Variants in GRIK1 observed in about 807,000 individuals in gnomAD.
GRIK1 encodes glutamate receptor ionotropic, kainate 1.
GRIK1 carries 69 observed loss-of-function variants against 105.7 expected under a neutral mutation model. The ratio of observed to expected loss-of-function variants is 0.65; its 90% CI spans 0.54 to 0.80. GRIK1 has a LOEUF of 0.80. Ranked by LOEUF, GRIK1 falls within the 30% of genes least tolerant of loss-of-function variation. The pLI is 0.00. For synonymous variants in GRIK1, 438 were observed against 431.3 expected (o/e 1.02, Z -0.19); for missense variants, 1,109 against 1,167.3 (o/e 0.95, Z 0.73).
At chr21:29,827,765 C>A (rs1004294043) in intron 1 of GRIK1, among the ~76,000 whole-genome samples, 4 of 152,044 alleles carry the variant, frequency 2.6e-5, no homozygotes, top group African/African-American at 9.7e-5. Flanking sequence ...AGTAAACACC[C>A]CAAAACTTAG....
rs568648777 is a variant in GRIK1 at position 29,587,964 on chromosome 21, C to CTTTTTTTTTTTTTTTTTTTTTTTTT, written c.1570-400_1570-376dup. Among the ~76,000 whole-genome samples the CTTTTTTTTTTTTTTTTTTTTTTTTT allele has an allele frequency of 1.2e-4, 8 of 65,412 alleles. 2 individuals are homozygous for CTTTTTTTTTTTTTTTTTTTTTTTTT. Among genetic ancestry groups the CTTTTTTTTTTTTTTTTTTTTTTTTT allele is most frequent in the African/African-American group, 2.6e-4 (4 of 15,206 alleles). 42.9% of individuals were successfully genotyped at this position (65,412 alleles called of 152,430 possible). A position where few individuals can be genotyped will look rare whatever the true frequency, so the allele number is the denominator to read the frequency against. On this transcript the variant is annotated intron_variant, in intron 11 of 17. Transcript: ENST00000327783. Reference sequence around the variant, plus strand: ...GCTCTGAGCTGAAAACTTTAAAATTCTTTTTTTTTTTTTTTTTTTTTTTTT... The same window carrying CTTTTTTTTTTTTTTTTTTTTTTTTT: ...GCTCTGAGCTGAAAACTTTAAAATTCTTTTTTTTTTTTTTTTTTTTTTTTTTTTTTTTTTTTTTTTTTTTTTTTTT...
At chr21:29,882,402 T>C (rs1326899076) in intron 1 of GRIK1, among the ~76,000 whole-genome samples, 1 of 152,124 alleles carries the variant, frequency 6.6e-6, no homozygotes, top group East Asian at 1.9e-4. Context: ...TTCCCTTTCC[T>C]TCTGTCATTG....
intron 1 of GRIK1, chr21:29,749,259 T>A (rs952949390): frequency 1.3e-5 from 2 of 152,132 alleles, no homozygotes; most frequent in South Asian, 4.1e-4. Flanking sequence ...CATGTTACAG[T>A]GGATATTGAA....
intron 1 of GRIK1, among the ~76,000 whole-genome samples, chr21:29,813,329 C>A (rs1234709532): frequency 6.6e-6 from 1 of 152,026 alleles, no homozygotes; most frequent in African/African-American, 2.4e-5. Flanking sequence ...GGCACTTTAC[C>A]CAAACTAAGT....
At chr21:29,822,796 T>C (rs1056875751) in intron 1 of GRIK1, among the ~76,000 whole-genome samples, 15 of 151,994 alleles carry the variant, frequency 9.9e-5, no homozygotes, top group African/African-American at 3.6e-4. Flanking sequence ...GATCTAGACT[T>C]CTTTTATATG....
chr21:29,731,111 G>C (rs114279153), intron 1 of GRIK1, among the ~76,000 whole-genome samples: 16 of 152,274 alleles, frequency 1.1e-4, no homozygotes, highest in African/African-American at 3.6e-4. Context: ...GTGGATGCCT[G>C]ATGGTTTCCC....
intron 1 of GRIK1, among the ~76,000 whole-genome samples, chr21:29,715,451 A>G (rs2064156515): frequency 6.6e-6 from 1 of 152,044 alleles, no homozygotes. Flanking sequence ...CAAAATATTT[A>G]GTAACCAAGA....
At chr21:29,879,735 A>C (rs2069330390) in intron 1 of GRIK1, among the ~76,000 whole-genome samples, 1 of 152,168 alleles carries the variant, frequency 6.6e-6, no homozygotes, top group African/African-American at 2.4e-5. Context: ...TAGCTCTTTA[A>C]GGAGCTAGTT....
intron 7 of GRIK1, among the ~76,000 whole-genome samples, chr21:29,602,138 C>A (rs1568872252): frequency 6.6e-6 from 1 of 152,088 alleles, no homozygotes; most frequent in Non-Finnish European, 1.5e-5. Flanking sequence ...GAGAAATGCA[C>A]AGTAAGTGAA....
chr21:29,701,958 A>G (rs574333615), intron 1 of GRIK1, among the ~76,000 whole-genome samples: 106 of 152,320 alleles, frequency 7.0e-4, no homozygotes, highest in African/African-American at 2.2e-3. Flanking sequence ...ACGATGCAGG[A>G]GGTACTTGAC....
Position 29,737,605 on chromosome 21 carries a change from T to C in GRIK1, c.119-43542A>G, listed in dbSNP as rs555458083. Among the ~76,000 whole-genome samples the C allele has an allele frequency of 6.6e-5, 10 of 152,380 alleles. No homozygotes were observed. In the South Asian group the frequency reaches 2.1e-3, roughly 32 times the overall value. ...ATAACTAATGTTTTAGTTGGGTTTT[T>C]AGCTTTTCTTCTCATATACTCACTT... On this transcript the variant is annotated intron_variant, in intron 1 of 17. Coordinates refer to ENST00000327783, the MANE Select transcript of GRIK1 (RefSeq NM_001330994.2).
chr21:29,685,324 A>T (rs2063468386), intron 3 of GRIK1, among the ~76,000 whole-genome samples: 1 of 152,248 alleles, frequency 6.6e-6, no homozygotes, highest in South Asian at 2.1e-4. Context: ...GAACCAAATG[A>T]ATATAAACTT....
chr21:29,750,679 G>A (rs2065172361), intron 1 of GRIK1, among the ~76,000 whole-genome samples: 1 of 152,130 alleles, frequency 6.6e-6, no homozygotes, highest in East Asian at 1.9e-4. Context: ...GAAGAATTGA[G>A]AGAAGCAAAA....
intron 1 of GRIK1, among the ~76,000 whole-genome samples, chr21:29,754,584 G>A (rs1306461975): frequency 6.6e-6 from 1 of 152,208 alleles, no homozygotes; most frequent in Non-Finnish European, 1.5e-5. Flanking sequence ...ATCTGACACA[G>A]AGGGGTGTGA....
At chr21:29,733,947 A>G (rs1220253226) in intron 1 of GRIK1, among the ~76,000 whole-genome samples, 1 of 152,116 alleles carries the variant, frequency 6.6e-6, no homozygotes, top group Non-Finnish European at 1.5e-5. Flanking sequence ...TTTTACTATT[A>G]TATTTACTAT....
rs117043372 is a variant in GRIK1, at chr21:29,581,905, G to A, written c.1794-362C>T. 5.3e-4 allele frequency among the ~76,000 whole-genome samples: 80 copies of A among 152,226 alleles called. 1 individual carries two copies. The East Asian group carries it at 0.013, about 25-fold the overall frequency. On this transcript the variant is annotated intron_variant, in intron 12 of 17. Coordinates refer to ENST00000327783, the MANE Select transcript of GRIK1 (RefSeq NM_001330994.2). ...AGTATTTACCCCACCAAGTAGCGACGAATGTGACACACACTTGTTGCATAG... is the reference window on the plus strand; with the variant it reads ...AGTATTTACCCCACCAAGTAGCGACAAATGTGACACACACTTGTTGCATAG...
At chr21:29,721,582 G>T (rs1418432070) in intron 1 of GRIK1, among the ~76,000 whole-genome samples, 2 of 148,238 alleles carry the variant, frequency 1.3e-5, no homozygotes, top group African/African-American at 5.1e-5. Context: ...ATGAATGAGA[G>T]TAGCAGGAGA....
chr21:29,775,867 C>T (rs546677358), intron 1 of GRIK1, among the ~76,000 whole-genome samples: 7 of 152,288 alleles, frequency 4.6e-5, no homozygotes, highest in Admixed American at 3.3e-4. Flanking sequence ...TAGTTTTATA[C>T]TTACTTTGTA....
chr21:29,658,862 T>C (rs2062906746), intron 4 of GRIK1, among the ~76,000 whole-genome samples: 1 of 152,160 alleles, frequency 6.6e-6, no homozygotes. Context: ...CATATGTCAC[T>C]CTCCAGAGAT....
Sources: gnomAD v4.1 joint callset for allele counts (sites outside exome capture counted in the v4.1 genomes callset) on GRCh38, gnomAD v4.1.1 for gene constraint, MANE v1.5 for transcripts, NCBI Gene and HGNC (gene_info 2026-07-23, HGNC 2026-07-21) for gene names.